The following CARD10 variants were observed in gnomAD, a reference collection of about 807,000 sequenced individuals.
The protein encoded by CARD10 is caspase recruitment domain-containing protein 10.
In CARD10, 49 loss-of-function variants were observed where a neutral mutation model predicts 114.6. The observed-to-expected ratio is 0.43, with a 90% CI of 0.34 to 0.54. CARD10 has a LOEUF of 0.54. Among genes scored for constraint, CARD10 ranks in the 20% least tolerant of loss-of-function variants. The probability of loss-of-function intolerance (pLI) is 0.03; values close to 1 mark genes in which losing one functional copy is unlikely to be tolerated. For synonymous variants in CARD10, 602 were observed against 593.2 expected (o/e 1.01, Z -0.21); for missense variants, 1,206 against 1,397.2 (o/e 0.86, Z 2.18).
At position 37,492,420 on chromosome 22, in the gene CARD10, G is replaced by A. The variant is rs1922836240; in HGVS notation, c.2751+15C>T. ...CCACCTCTGTGAGCACCCCAGGCCA[G>A]CCCCCAGCACCCACCTTCCCAACAG... is the stretch of plus-strand genomic sequence containing the variant. On this transcript the variant is annotated intron_variant, in intron 18 of 19. Transcript: ENST00000251973. This position sits in a 1 kb window ranked among gnomAD's most constrained non-coding sequence, Gnocchi z 5.7. 2 of 1,526,356 alleles carry A rather than the reference G, an allele frequency of 1.3e-6. No homozygotes were observed. Among genetic ancestry groups the A allele is most frequent in the African/African-American group, 1.4e-5 (1 of 72,340 alleles). 94.6% of individuals were successfully genotyped at this position (1,526,356 alleles called of 1,614,324 possible).
At position 37,508,544 on chromosome 22, in the gene CARD10, C is replaced by T. The variant is rs1231703782; in HGVS notation, c.1048G>A (p.Glu350Lys). 2.5e-6 allele frequency: 4 copies of T among 1,596,036 alleles called. No individual in the cohort carries two copies. The highest frequency in any genetic ancestry group is 2.2e-5 in the East Asian group (1 of 44,756). ...HAVQGELQWA[E>K]ELRDQYLQEM... is the part of the protein sequence containing the mutation. ...GGCCCCACCTGGTCGCGCAGCTCCT[C>T]GGCCCACTGCAGCTCCCCCTGCACG... Residue 350 changes from glutamate (E) to lysine (K), a missense_variant, in exon 5 of 20, where the codon GAG becomes AAG. Transcript: ENST00000251973.
intron 16 of CARD10, 126 bp downstream of exon 16, chr22:37,493,960 C>T: frequency 1.3e-6 from 1 of 745,896 alleles, no homozygotes. Context: ...ACCCCCACTC[C>T]TGTTGGAACC....
At chr22:37,507,428 C>T (rs1256291658) in intron 6 of CARD10, among the ~76,000 whole-genome samples, 1 of 152,208 alleles carries the variant, frequency 6.6e-6, no homozygotes, top group African/African-American at 2.4e-5. Flanking sequence ...CCTCAGCCCA[C>T]CCCACAACCT....
At chr22:37,499,360 A>C (rs1402958786) in intron 11 of CARD10, among the ~76,000 whole-genome samples, 8 of 152,136 alleles carry the variant, frequency 5.3e-5, no homozygotes, top group Admixed American at 4.6e-4. Flanking sequence ...ATTTACTGGC[A>C]TCAGGTGTGA....
intron 6 of CARD10, among the ~76,000 whole-genome samples, 157 bp from the exon 7 acceptor site, chr22:37,506,540 A>G (rs1923415752): frequency 6.6e-6 from 1 of 152,180 alleles, no homozygotes; most frequent in Non-Finnish European, 1.5e-5. Context: ...GCTCATTTAA[A>G]TATCTTCACA....
chr22:37,491,374 C>A lies in CARD10; in HGVS notation c.2884G>T (p.Gly962Cys). The A allele has an allele frequency of 6.7e-7, 1 of 1,503,624 alleles. No homozygotes were observed. The highest frequency in any genetic ancestry group is 2.4e-5 in the East Asian group (1 of 41,150). 93.1% of individuals were successfully genotyped at this position (1,503,624 alleles called of 1,614,324 possible). ...REVRGLLGRP[G>C]WRDSELLRQC... is the part of the protein sequence containing the mutation. ...CGCAGCAGCTCTGAGTCCCGCCAGC[C>A]CGGCCGGCCCAGCAGACCCCTGCCG... Residue 962 changes from glycine to cysteine, a missense_variant, in exon 20 of 20, where the codon GGC (glycine) becomes TGC (cysteine). Physicochemically the swap from Gly to Cys is radical, Grantham distance 159. Transcript: ENST00000251973.
At chr22:37,495,025 C>T (rs533599769) in intron 15 of CARD10, among the ~76,000 whole-genome samples, 49 of 152,108 alleles carry the variant, frequency 3.2e-4, no homozygotes, top group Non-Finnish European at 5.9e-4. Flanking sequence ...TGCAGTGGCG[C>T]GATCTTGGCT....
chr22:37,497,591 C>T (rs1923052151), intron 11 of CARD10, among the ~76,000 whole-genome samples: 1 of 152,192 alleles, frequency 6.6e-6, no homozygotes. Flanking sequence ...TAGCCAAGCA[C>T]GGTGGCTCAC....
chr22:37,504,747 A>C lies in CARD10; in HGVS notation c.1406T>G (p.Leu469Arg). The C allele has an allele frequency of 6.4e-7, 1 of 1,560,234 alleles. No individual in the cohort carries two copies. The highest frequency in any genetic ancestry group is 8.7e-7 in the Non-Finnish European group (1 of 1,155,136). Reference protein sequence around the residue: ...CLKACASSHSLCSNLSSTWSL... With the variant: ...CLKACASSHSRCSNLSSTWSL... ...CCAAGTGCTGCTGAGGTTGGAGCAC[A>C]GGGAATGGGAGGAGGCACAGGCCTG... Residue 469 changes from leucine to arginine, a missense_variant, in exon 8 of 20, where the codon CTG becomes CGG. Coordinates refer to ENST00000251973, the MANE Select transcript of CARD10 (RefSeq NM_014550.4).
chr22:37,514,653 C>T (rs1026414182), intron 3 of CARD10: 3 of 152,386 alleles, frequency 2.0e-5, no homozygotes, highest in African/African-American at 7.2e-5. Context: ...AGTGCACCCA[C>T]ATCTACAGCC....
rs1223037542 is a variant in CARD10 at position 37,501,366 on chromosome 22, G to A, written c.1787+1236C>T. Among the ~76,000 whole-genome samples the A allele has an allele frequency of 6.6e-6, 1 of 152,192 alleles. No homozygotes were observed. The highest frequency in any genetic ancestry group is 1.5e-5 in the Non-Finnish European group (1 of 68,030). On this transcript the variant is annotated intron_variant, in intron 11 of 19. Coordinates refer to ENST00000251973, the MANE Select transcript of CARD10 (RefSeq NM_014550.4). The surrounding 1 kb of genome is among the most constrained non-coding windows in gnomAD (Gnocchi z 5.4). The stretch of plus-strand genomic sequence containing the variant: ...CTGCTGCAGCCCAAACTGGAGGAAG[G>A]GAGGAAGGGCCGAGGCGAGCAGGAA...
In CARD10 at chr22:37,492,775, C is replaced by A. The variant is rs1922851453; in HGVS notation, c.2504G>T (p.Ser835Ile). 4 of 1,612,594 alleles carry A rather than the reference C, an allele frequency of 2.5e-6. No individual in the cohort carries two copies. The highest frequency in any genetic ancestry group is 1.3e-5 in the African/African-American group (1 of 75,038). Reference sequence around the variant, plus strand: ...AGACACCAGTAGCGGCCGCACCAAACTGTAGGGTCTGAGGCTCCGCTCCGG... The same window carrying A: ...AGACACCAGTAGCGGCCGCACCAAAATGTAGGGTCTGAGGCTCCGCTCCGG... ...AEPERSLRPY[S>I]LVRPLLVSAL... The change falls in exon 17 of 20, where the codon AGT (serine) becomes ATT (isoleucine). Residue 835 changes from serine to isoleucine, a missense_variant. Around this residue, in one of 2 missense-constraint regions of CARD10, gnomAD observed 1,068 missense variants for 1,179.1 expected, o/e 0.91. Transcript: ENST00000251973. The surrounding 1 kb of genome is among the most constrained non-coding windows in gnomAD (Gnocchi z 5.7).
intron 11 of CARD10, among the ~76,000 whole-genome samples, chr22:37,498,063 C>T (rs1009915033): frequency 2.6e-5 from 4 of 152,158 alleles, no homozygotes; most frequent in Admixed American, 6.5e-5. Flanking sequence ...AGGAATATAT[C>T]AGAGCAAAGG....
At chr22:37,516,775 T>A (rs1208930832) in intron 2 of CARD10, among the ~76,000 whole-genome samples, 1 of 152,240 alleles carries the variant, frequency 6.6e-6, no homozygotes, top group Non-Finnish European at 1.5e-5. Context: ...GTGCTAGATA[T>A]ATCTTAATCT....
rs1923018229 is a variant in CARD10 at position 37,496,757 on chromosome 22, C to T, written c.1948-197G>A. On this transcript the variant is annotated intron_variant, in intron 12 of 19. Coordinates refer to ENST00000251973, the MANE Select transcript of CARD10 (RefSeq NM_014550.4). The surrounding 1 kb of genome is among the most constrained non-coding windows in gnomAD (Gnocchi z 4.1). ...CCCCCATCCACAGGACTCCCCAACC[C>T]GCCCAGCTCATCCAGGTCTTTCTCG... is the stretch of plus-strand genomic sequence containing the variant. 1.3e-5 allele frequency: 8 copies of T among 630,014 alleles called. No homozygotes were observed. Among genetic ancestry groups the T allele is most frequent in the East Asian group, 2.8e-5 (1 of 35,674 alleles). 39.0% of individuals were successfully genotyped at this position (630,014 alleles called of 1,614,324 possible).
chr22:37,514,085 C>T (rs568890538), intron 3 of CARD10, among the ~76,000 whole-genome samples: 70 of 120,566 alleles, frequency 5.8e-4, no homozygotes, highest in Middle Eastern at 0.012. Flanking sequence ...GCCTGGGTAA[C>T]AAAGCAAGAC....
chr22:37,491,037 C>T lies in CARD10; in HGVS notation c.*122G>A. On this transcript the variant is annotated 3_prime_UTR_variant, in exon 20 of 20. Transcript: ENST00000251973. The stretch of plus-strand genomic sequence containing the variant: ...CAGCCTTGGGGGTGAGAGGCCAGAG[C>T]CAAGGGCCCTGCATCTGAGAGTCCA... The T allele has an allele frequency of 1.3e-6, 1 of 799,870 alleles. No homozygotes were observed. The highest frequency in any genetic ancestry group is 2.0e-6 in the Non-Finnish European group (1 of 505,506). 49.5% of individuals were successfully genotyped at this position (799,870 alleles called of 1,614,324 possible).
At chr22:37,506,147 A>G in intron 7 of CARD10, 45 bp downstream of exon 7, 1 of 1,403,650 alleles carries the variant, frequency 7.1e-7, no homozygotes, top group Non-Finnish European at 9.4e-7. Flanking sequence ...TCCTGCCAGG[A>G]CCCCAGCCTT....
rs1260979012 is a variant in CARD10, at chr22:37,519,054, C to T, written c.147G>A (p.Pro49=). Residue 49 remains proline, a synonymous_variant, in exon 1 of 20, where the codon CCG becomes CCA. Coordinates refer to ENST00000251973, the MANE Select transcript of CARD10 (RefSeq NM_014550.4). The surrounding 1 kb of genome is among the most constrained non-coding windows in gnomAD (Gnocchi z 4.1). ...ARALNPAKLT[P]YLRQCRVIDE... is the part of the protein sequence containing the mutation. ...CGATGACCCGGCACTGGCGCAGATA[C>T]GGCGTGAGCTTGGCCGGGTTCAGGG... is the stretch of plus-strand genomic sequence containing the variant. 3 of 1,595,030 alleles carry T rather than the reference C, an allele frequency of 1.9e-6. No homozygotes were observed. The South Asian group carries it at 3.3e-5, about 18-fold the overall frequency.
Sources: allele counts gnomAD v4.1 joint callset (sites outside exome capture counted in the v4.1 genomes callset), GRCh38; gene constraint gnomAD v4.1.1; regional missense constraint gnomAD v4.1.1; non-coding constraint Gnocchi (gnomAD v3.1); transcripts MANE v1.5; gene names NCBI Gene and HGNC (gene_info 2026-07-23, HGNC 2026-07-21).